The following MKNK1 variants were observed in gnomAD, a reference collection of about 807,000 sequenced individuals.
MKNK1 encodes MAPK interacting serine/threonine kinase 1.
Under a neutral mutation model 49.3 loss-of-function variants are expected in MKNK1, and 30 were observed. The observed-to-expected ratio is 0.61, with a 90% CI of 0.46 to 0.83. The LOEUF (loss-of-function observed/expected upper bound fraction) is 0.83, where lower values mean the gene tolerates loss of function less well. Among genes scored for constraint, MKNK1 ranks in the 40% least tolerant of loss-of-function variants. The pLI is 0.00. For missense variants in MKNK1, 423 were observed against 524.7 expected, an observed-to-expected ratio of 0.81 and a Z score of 1.89; for synonymous variants, 176 against 201.7, an observed-to-expected ratio of 0.87 and a Z score of 1.08.
chr1:46,594,224 T>A lies in MKNK1; in HGVS notation c.-114A>T, dbSNP rs769647917. Reference sequence around the variant, plus strand: ...CTTCCAGCTACACGAAGTGTCTCAATGGCCTTTGTGCGTAGGTGGCAATCT... The same window carrying A: ...CTTCCAGCTACACGAAGTGTCTCAAAGGCCTTTGTGCGTAGGTGGCAATCT... On this transcript the variant is annotated 5_prime_UTR_variant, in exon 2 of 13. Coordinates refer to ENST00000371945, the MANE Select transcript of MKNK1 (RefSeq NM_001135553.4). 8.8e-7 allele frequency: 1 copy of A among 1,135,536 alleles called. No homozygotes were observed. The highest frequency in any genetic ancestry group is 1.3e-6 in the Non-Finnish European group (1 of 745,958). 70.3% of individuals were successfully genotyped at this position (1,135,536 alleles called of 1,614,324 possible). A position where few individuals can be genotyped will look rare whatever the true frequency, so the allele number is the denominator to read the frequency against.
intron 8 of MKNK1, 53 bp from the exon 9 acceptor site, chr1:46,565,189 G>T: frequency 6.5e-7 from 1 of 1,539,430 alleles, no homozygotes; most frequent in Middle Eastern, 1.7e-4. Context: ...TACGGGGCAA[G>T]AGGAGCCAGG....
At position 46,572,131 on chromosome 1, in the gene MKNK1, A is replaced by T; in HGVS notation, c.389T>A (p.Phe130Tyr). 1 of 1,614,090 alleles carries T rather than the reference A, an allele frequency of 6.2e-7. No homozygotes were observed. Among genetic ancestry groups the T allele is most frequent in the Non-Finnish European group, 8.5e-7 (1 of 1,179,982 alleles). Residue 130 changes from phenylalanine to tyrosine, a missense_variant, in exon 7 of 13, where the codon TTC becomes TAC. Physicochemically the swap from Phe to Tyr is conservative, Grantham distance 22. Coordinates refer to ENST00000371945, the MANE Select transcript of MKNK1 (RefSeq NM_001135553.4). ...ILAHIQKQKH[F>Y]NEREASRVVR... ...CACTCGGCTGGCTTCTCGCTCATTGAAGTGCTTTTGCTTCTGGATGTGGGC... is the reference window on the plus strand; with the variant it reads ...CACTCGGCTGGCTTCTCGCTCATTGTAGTGCTTTTGCTTCTGGATGTGGGC...
chr1:46,563,498 C>T (rs1668418242), intron 9 of MKNK1: 1 of 152,238 alleles, frequency 6.6e-6, no homozygotes, highest in East Asian at 1.9e-4. Context: ...TTGCTCCACT[C>T]TTCATTATTT....
intron 2 of MKNK1, among the ~76,000 whole-genome samples, chr1:46,587,944 G>A (rs745814353): frequency 1.3e-5 from 2 of 152,182 alleles, no homozygotes; most frequent in Non-Finnish European, 2.9e-5. Context: ...ACAGAAATAC[G>A]TAAAACTGCT....
At chr1:46,593,955 G>A (rs575483539) in intron 2 of MKNK1, 158 bp downstream of exon 2, 2 of 589,794 alleles carry the variant, frequency 3.4e-6, no homozygotes, top group South Asian at 4.4e-5. Flanking sequence ...CTCCTACTAA[G>A]CGTTATCTGA....
chr1:46,582,982 A>G, intron 3 of MKNK1: 1 of 650,692 alleles, frequency 1.5e-6, no homozygotes, highest in South Asian at 1.5e-5. Context: ...TGCTCCCTGA[A>G]AAGGAAGCAG....
At chr1:46,603,096 G>T (rs565419571) in intron 1 of MKNK1, among the ~76,000 whole-genome samples, 1 of 152,164 alleles carries the variant, frequency 6.6e-6, no homozygotes, top group African/African-American at 2.4e-5. Flanking sequence ...GGGCAGAGGG[G>T]GCACCAAAGC....
In MKNK1 at chr1:46,558,511, A is replaced by T. The variant is rs1184166053; in HGVS notation, c.*64T>A. ...GCTGCCTGCTCAGCAGACTTTAGCC[A>T]CACAGGTTTCCAGGGGACAATGCCT... On this transcript the variant is annotated 3_prime_UTR_variant, in exon 13 of 13. Transcript: ENST00000371945. The T allele has an allele frequency of 6.8e-7, 1 of 1,473,516 alleles. No individual in the cohort carries two copies. The highest frequency in any genetic ancestry group is 1.4e-5 in the African/African-American group (1 of 70,862). The allele number at this position is 1,473,516 out of a possible 1,614,324, so 91.3% of individuals were successfully genotyped here. A position where few individuals can be genotyped will look rare whatever the true frequency, so the allele number is the denominator to read the frequency against.
In MKNK1 at chr1:46,587,643, C is replaced by G. The variant is rs528007399; in HGVS notation, c.-2-4314G>C. 2.0e-5 allele frequency among the ~76,000 whole-genome samples: 3 copies of G among 152,178 alleles called. No homozygotes were observed. The South Asian group carries it at 6.2e-4, about 32-fold the overall frequency. Reference sequence around the variant, plus strand: ...GACCAGCCTGACCAACATGGAGAAACCTCGTCTCTACTAAAAGTACAAAAT... The same window carrying G: ...GACCAGCCTGACCAACATGGAGAAAGCTCGTCTCTACTAAAAGTACAAAAT... On this transcript the variant is annotated intron_variant, in intron 2 of 12. Coordinates refer to ENST00000371945, the MANE Select transcript of MKNK1 (RefSeq NM_001135553.4).
chr1:46,601,076 A>G (rs1360413686), intron 1 of MKNK1, among the ~76,000 whole-genome samples: 1 of 152,034 alleles, frequency 6.6e-6, no homozygotes, highest in East Asian at 1.9e-4. Flanking sequence ...ACCACCATGC[A>G]CAGCTAATTT....
At chr1:46,572,008 G>T in intron 7 of MKNK1, 55 bp downstream of exon 7, 2 of 1,526,274 alleles carry the variant, frequency 1.3e-6, no homozygotes, top group Non-Finnish European at 1.8e-6. Flanking sequence ...CACCTCCCTT[G>T]GTACCCAGAG....
intron 4 of MKNK1, among the ~76,000 whole-genome samples, chr1:46,578,842 A>G (rs1357823640): frequency 6.0e-5 from 9 of 149,646 alleles, no homozygotes; most frequent in Non-Finnish European, 1.0e-4. Context: ...TGCAACCTCT[A>G]CCTCCCGGGT....
At chr1:46,574,070 A>C (rs1308014071) in intron 6 of MKNK1, 1 of 152,090 alleles carries the variant, frequency 6.6e-6, no homozygotes, top group Non-Finnish European at 1.5e-5. Flanking sequence ...CAGCATACCA[A>C]ATTGTTTTAA....
chr1:46,596,449 T>G (rs150145906), intron 1 of MKNK1, among the ~76,000 whole-genome samples: 8 of 152,342 alleles, frequency 5.3e-5, no homozygotes, highest in Non-Finnish European at 1.2e-4. Flanking sequence ...TTGCCAACCC[T>G]TGGCCTACAG....
intron 1 of MKNK1, among the ~76,000 whole-genome samples, chr1:46,597,392 T>C (rs1674220100): frequency 6.6e-6 from 1 of 151,966 alleles, no homozygotes; most frequent in South Asian, 2.1e-4. Context: ...CAGGTAAGGC[T>C]AAGGTTTATG....
intron 10 of MKNK1, among the ~76,000 whole-genome samples, chr1:46,562,072 C>G (rs371969933): frequency 1.3e-5 from 2 of 152,156 alleles, no homozygotes; most frequent in Non-Finnish European, 2.9e-5. Flanking sequence ...ATTCTTGTCC[C>G]TCTTCCGCAG....
chr1:46,559,807 C>T (rs1667616484), intron 12 of MKNK1: 2 of 170,862 alleles, frequency 1.2e-5, no homozygotes, highest in Admixed American at 1.1e-4. Flanking sequence ...CCATGCCTGG[C>T]CATGGTAAGG....
chr1:46,579,510 T>C (rs1570208558), intron 4 of MKNK1, among the ~76,000 whole-genome samples: 1 of 152,190 alleles, frequency 6.6e-6, no homozygotes, highest in African/African-American at 2.4e-5. Flanking sequence ...TAACACATAG[T>C]AGCATTCACA....
chr1:46,577,998 T>C (rs2148672179), intron 4 of MKNK1, among the ~76,000 whole-genome samples: 1 of 152,374 alleles, frequency 6.6e-6, no homozygotes, highest in South Asian at 2.1e-4. Context: ...TCTAAATAAG[T>C]GTGTCTGTTT....
Sources: gnomAD v4.1 joint callset for allele counts (sites outside exome capture counted in the v4.1 genomes callset) on GRCh38, gnomAD v4.1.1 for gene constraint, MANE v1.5 for transcripts, NCBI Gene and HGNC (gene_info 2026-07-23, HGNC 2026-07-21) for gene names.